Variants in STRN3 observed in about 807,000 individuals in gnomAD.
STRN3 encodes striatin 3, also known as striatin-3.
STRN3 carries 29 observed loss-of-function variants against 95.6 expected under a neutral mutation model. That is an observed-to-expected ratio of 0.30 (90% CI 0.23 to 0.41). The LOEUF (loss-of-function observed/expected upper bound fraction) is 0.41. STRN3 is among the 10% of genes least tolerant of loss of function. The probability of loss-of-function intolerance (pLI) is 1.00; values close to 1 mark genes in which losing one functional copy is unlikely to be tolerated. For missense variants in STRN3, 890 were observed against 972.1 expected (o/e 0.92, Z 1.12); for synonymous variants, 331 against 357.6 (o/e 0.93, Z 0.84).
chr14:31,020,011 C>T (rs1163875085), intron 1 of STRN3, among the ~76,000 whole-genome samples: 1 of 151,908 alleles, frequency 6.6e-6, no homozygotes, highest in Non-Finnish European at 1.5e-5. Context: ...GCGTGAGACA[C>T]CACACCTGGC....
At chr14:30,987,462 G>A (rs1312808253) in intron 1 of STRN3, among the ~76,000 whole-genome samples, 17 of 152,040 alleles carry the variant, frequency 1.1e-4, no homozygotes, top group South Asian at 2.1e-4. Flanking sequence ...AGCTGAGATC[G>A]CGCCACTGCA....
rs1378073113 is a variant in STRN3 at position 30,906,925 on chromosome 14, T to A, written c.1840A>T (p.Asn614Tyr). 2 of 1,613,678 alleles carry A rather than the reference T, an allele frequency of 1.2e-6. No homozygotes were observed. Among genetic ancestry groups the A allele is most frequent in the Non-Finnish European group, 1.7e-6 (2 of 1,179,866 alleles). ...ATACATGGCAATTTTTCTTGTGGAT[T>A]CCATAACCTAACAGTGCCATCTGCT... ...CSADGTVRLW[N>Y]PQEKLPCICT... Residue 614 changes from asparagine (N) to tyrosine (Y), a missense_variant, in exon 14 of 18, where the codon AAT (asparagine) becomes TAT (tyrosine). Physicochemically the swap from Asn to Tyr is moderately radical, Grantham distance 143. Coordinates refer to ENST00000357479, the MANE Select transcript of STRN3 (RefSeq NM_001083893.2).
chr14:30,935,380 A>G (rs1878768527), intron 6 of STRN3, 76 bp from the exon 7 acceptor site: 1 of 1,452,566 alleles, frequency 6.9e-7, no homozygotes. Flanking sequence ...TCACATAACT[A>G]CATTTACACA....
chr14:30,978,026 T>C (rs1050858048), intron 1 of STRN3, among the ~76,000 whole-genome samples: 1 of 152,012 alleles, frequency 6.6e-6, no homozygotes, highest in African/African-American at 2.4e-5. Context: ...TTAATAATCT[T>C]CAAAAATAAA....
chr14:31,019,231 C>G (rs1265923001), intron 1 of STRN3, among the ~76,000 whole-genome samples: 1 of 152,154 alleles, frequency 6.6e-6, no homozygotes, highest in African/African-American at 2.4e-5. Flanking sequence ...CTATTTGAAC[C>G]CAAGAGTTTT....
intron 1 of STRN3, chr14:31,018,848 C>T: frequency 5.7e-6 from 2 of 353,288 alleles, no homozygotes; most frequent in South Asian, 2.3e-5. Context: ...TTAGGCAGGG[C>T]ATAGTGGCTC....
At chr14:31,020,224 C>T (rs1230893387) in intron 1 of STRN3, among the ~76,000 whole-genome samples, 2 of 152,154 alleles carry the variant, frequency 1.3e-5, no homozygotes, top group Non-Finnish European at 2.9e-5. Context: ...ATAGGTCAGG[C>T]GCAGTGGCTC....
At chr14:30,983,584 T>C (rs1051216367) in intron 1 of STRN3, among the ~76,000 whole-genome samples, 4 of 152,194 alleles carry the variant, frequency 2.6e-5, no homozygotes, top group Admixed American at 2.6e-4. Flanking sequence ...TGTTTTTTCA[T>C]GTGTAAAGGG....
intron 1 of STRN3, chr14:31,014,617 C>G (rs1282304175): frequency 4.6e-6 from 2 of 435,916 alleles, no homozygotes; most frequent in Middle Eastern, 1.6e-3. Context: ...TGCTTTAATT[C>G]TAGTCTTTTA....
chr14:30,914,923 A>G (rs1382336002), intron 9 of STRN3, among the ~76,000 whole-genome samples: 1 of 151,984 alleles, frequency 6.6e-6, no homozygotes, highest in African/African-American at 2.4e-5. Flanking sequence ...GACCAATTAA[A>G]CTCTGCCATA....
chr14:31,021,847 T>A (rs1388277295), intron 1 of STRN3, among the ~76,000 whole-genome samples: 2 of 152,124 alleles, frequency 1.3e-5, no homozygotes, highest in Non-Finnish European at 2.9e-5. Flanking sequence ...AAAGGCAGAC[T>A]ACAGAGTGGG....
At chr14:30,929,967 A>AAAAAAAAAAAAAAAAAAAAAAAC (rs1555317336) in intron 7 of STRN3, among the ~76,000 whole-genome samples, 307 of 91,162 alleles carry the variant, frequency 3.4e-3, no homozygotes, top group Non-Finnish European at 5.4e-3. Flanking sequence ...AAAAAAAAAA[A>AAAAAAAAAAAAAAAAAAAAAAAC]AAAAAAAAAA....
At chr14:30,898,768 T>C (rs1044177156) in intron 16 of STRN3, among the ~76,000 whole-genome samples, 1 of 152,242 alleles carries the variant, frequency 6.6e-6, no homozygotes. Flanking sequence ...TTTCCTCTTA[T>C]GACTAAGGAA....
chr14:30,915,454 T>C (rs1896714297), intron 9 of STRN3, among the ~76,000 whole-genome samples: 1 of 152,176 alleles, frequency 6.6e-6, no homozygotes, highest in South Asian at 2.1e-4. Flanking sequence ...TATAGAGATA[T>C]TAAGTAGTAT....
intron 1 of STRN3, among the ~76,000 whole-genome samples, chr14:30,972,493 C>A (rs1880883701): frequency 1.3e-5 from 2 of 152,140 alleles, no homozygotes; most frequent in East Asian, 1.9e-4. Context: ...AAGTAACTTG[C>A]CTTGCTGAGA....
chr14:30,993,310 G>GT (rs1161965591), intron 1 of STRN3, among the ~76,000 whole-genome samples: 3 of 150,042 alleles, frequency 2.0e-5, no homozygotes, highest in Non-Finnish European at 4.4e-5. Context: ...CCTGACTTCA[G>GT]TAAGTACTGG....
At chr14:30,996,256 A>T (rs900041998) in intron 1 of STRN3, among the ~76,000 whole-genome samples, 73 of 152,294 alleles carry the variant, frequency 4.8e-4, no homozygotes, top group African/African-American at 1.6e-3. Flanking sequence ...CCGACCACCT[A>T]GTCACCCAGC....
chr14:31,022,239 G>T (rs1002639665), intron 1 of STRN3, among the ~76,000 whole-genome samples: 7 of 151,950 alleles, frequency 4.6e-5, no homozygotes, highest in African/African-American at 1.7e-4. Context: ...AATTAGCTGG[G>T]CGTGGTGGCA....
intron 16 of STRN3, among the ~76,000 whole-genome samples, chr14:30,897,843 C>T (rs2138936362): frequency 6.6e-6 from 1 of 152,248 alleles, no homozygotes; most frequent in East Asian, 1.9e-4. Flanking sequence ...GTTCTAGAAT[C>T]CACTCCTCTC....
Sources: gnomAD v4.1 joint callset for allele counts (sites outside exome capture counted in the v4.1 genomes callset) on GRCh38, gnomAD v4.1.1 for gene constraint, MANE v1.5 for transcripts, NCBI Gene and HGNC (gene_info 2026-07-23, HGNC 2026-07-21) for gene names.